HIRA: variants seen among roughly 807,000 people sequenced by gnomAD.
HIRA encodes protein HIRA.
In HIRA, 13 loss-of-function variants were observed where a neutral mutation model predicts 126.6. The ratio of observed to expected loss-of-function variants is 0.10; its 90% CI spans 0.07 to 0.16. The LOEUF is 0.16. HIRA is among the 10% of genes least tolerant of loss of function. HIRA has a pLI of 1.00. For missense variants in HIRA, 834 were observed against 1,314.4 expected (o/e 0.63, Z 5.65); for synonymous variants, 511 against 520.0 (o/e 0.98, Z 0.24).
chr22:19,351,499 G>C lies in HIRA; in HGVS notation c.2849-53C>G. ...AACAACAAAAAACAAAACAGAAATA[G>C]GAACACATTACAAAAAGAAATAAAA... On this transcript the variant is annotated intron_variant, in intron 23 of 24. Transcript: ENST00000263208. The surrounding 1 kb of genome is among the most constrained non-coding windows in gnomAD (Gnocchi z 4.8). The C allele has an allele frequency of 8.0e-7, 1 of 1,253,810 alleles. No homozygotes were observed. The highest frequency in any genetic ancestry group is 1.2e-6 in the Non-Finnish European group (1 of 861,918). 77.7% of individuals were successfully genotyped at this position (1,253,810 alleles called of 1,614,324 possible). A position where few individuals can be genotyped will look rare whatever the true frequency, so the allele number is the denominator to read the frequency against.
chr22:19,425,805 G>A (rs949650733), intron 1 of HIRA, among the ~76,000 whole-genome samples: 1 of 152,112 alleles, frequency 6.6e-6, no homozygotes, highest in Non-Finnish European at 1.5e-5. Context: ...CCAACGTGGC[G>A]AAAATGTGTA....
intron 12 of HIRA, among the ~76,000 whole-genome samples, chr22:19,385,051 G>A (rs571089391): frequency 6.6e-6 from 1 of 152,152 alleles, no homozygotes; most frequent in African/African-American, 2.4e-5. Context: ...TATCTGAATT[G>A]CCTGGAGGAG....
rs142603816 is a variant in HIRA, at chr22:19,426,192, A to G, written c.37+5248T>C. ...CTGTCTCCCTGAGCATCTCACCAAG[A>G]CTAGAAATTCCTAACTCCTCTAGGG... On this transcript the variant is annotated intron_variant, in intron 1 of 24. Transcript: ENST00000263208. Among the ~76,000 whole-genome samples, 16 of 152,108 alleles carry G rather than the reference A, an allele frequency of 1.1e-4. No homozygotes were observed. The East Asian group carries it at 3.1e-3, about 29-fold the overall frequency.
intron 24 of HIRA, 69 bp from the exon 25 acceptor site, chr22:19,331,625 G>A: frequency 1.4e-6 from 2 of 1,417,402 alleles, no homozygotes; most frequent in Middle Eastern, 1.8e-4. Flanking sequence ...GACTTTCCTG[G>A]CCTGGCAGAG....
chr22:19,388,405 G>T, intron 10 of HIRA, 79 bp downstream of exon 10: 1 of 1,140,866 alleles, frequency 8.8e-7, no homozygotes, highest in Non-Finnish European at 1.3e-6. Context: ...CCTGACCCTA[G>T]TCACACCCAG....
chr22:19,428,833 A>T (rs1448872777), intron 1 of HIRA, among the ~76,000 whole-genome samples: 1 of 152,220 alleles, frequency 6.6e-6, no homozygotes, highest in Non-Finnish European at 1.5e-5. Context: ...ACATGAATAT[A>T]GAACAAGGAA....
chr22:19,390,020 T>C (rs2089163727), intron 9 of HIRA, among the ~76,000 whole-genome samples: 1 of 150,632 alleles, frequency 6.6e-6, no homozygotes, highest in Non-Finnish European at 1.5e-5. Context: ...TTAATGTGTG[T>C]GCACTTTGCT....
At chr22:19,383,564 AAAG>A in intron 13 of HIRA, 53 bp downstream of exon 13, 1 of 1,402,282 alleles carries the variant, frequency 7.1e-7, no homozygotes, top group Non-Finnish European at 1.0e-6. Context: ...TTAACCGCTG[AAAG>A]AAGACAGGAA....
At chr22:19,382,771 C>CTTTT (rs796469831) in intron 13 of HIRA, among the ~76,000 whole-genome samples, 2 of 102,124 alleles carry the variant, frequency 2.0e-5, no homozygotes, top group Non-Finnish European at 1.7e-5. Flanking sequence ...ATTTTTCTTT[C>CTTTT]TTTTTTTTTT....
chr22:19,421,260 T>C (rs1038732040), intron 1 of HIRA, among the ~76,000 whole-genome samples: 1 of 149,540 alleles, frequency 6.7e-6, no homozygotes, highest in African/African-American at 2.5e-5. Context: ...GGTTGCACCA[T>C]TGCACTCCAG....
chr22:19,410,247 C>G lies in HIRA; in HGVS notation c.100+469G>C, dbSNP rs536496404. On this transcript the variant is annotated intron_variant, in intron 2 of 24. Transcript: ENST00000263208. ...GTTTCAAATGGTGTGGGCTTTCTTACTTGCCCACAGTGTGCTTTCTCTTTA... is the reference window on the plus strand; with the variant it reads ...GTTTCAAATGGTGTGGGCTTTCTTAGTTGCCCACAGTGTGCTTTCTCTTTA... Among the ~76,000 whole-genome samples, 8 of 152,360 alleles carry G rather than the reference C, an allele frequency of 5.3e-5. No individual in the cohort carries two copies. In the South Asian group the frequency reaches 1.2e-3, roughly 24 times the overall value.
At chr22:19,380,400 A>G (rs190053568) in intron 13 of HIRA, among the ~76,000 whole-genome samples, 1 of 152,282 alleles carries the variant, frequency 6.6e-6, no homozygotes, top group African/African-American at 2.4e-5. Flanking sequence ...CTGATGTGAA[A>G]TGCTACCTTT....
chr22:19,415,220 T>C (rs2089386517), intron 1 of HIRA, among the ~76,000 whole-genome samples: 1 of 152,130 alleles, frequency 6.6e-6, no homozygotes. Context: ...GTGCTAATAA[T>C]GAATTCAGCA....
rs1446769327 is a variant in HIRA, at chr22:19,388,513, C to T, written c.978G>A (p.Leu326=). Residue 326 remains leucine, a synonymous_variant, in exon 10 of 25, where the codon CTG becomes CTA. Transcript: ENST00000263208. ...LKRPLVVIHE[L]FDKSIMDISW... Reference sequence around the variant, plus strand: ...AAATATCCATGATGGATTTGTCAAACAGTTCATGGATGACCACCAGCGGCC... The same window carrying T: ...AAATATCCATGATGGATTTGTCAAATAGTTCATGGATGACCACCAGCGGCC... The T allele has an allele frequency of 2.5e-6, 4 of 1,613,454 alleles. No individual in the cohort carries two copies. The highest frequency in any genetic ancestry group is 2.5e-6 in the Non-Finnish European group (3 of 1,179,482).
At chr22:19,348,677 A>AT (rs2088717472) in intron 24 of HIRA, among the ~76,000 whole-genome samples, 1 of 151,694 alleles carries the variant, frequency 6.6e-6, no homozygotes, top group African/African-American at 2.4e-5. Context: ...TTGTATTTTT[A>AT]GTAGAGATGG....
chr22:19,361,685 A>G, intron 16 of HIRA, 42 bp downstream of exon 16: 1 of 1,589,968 alleles, frequency 6.3e-7, no homozygotes, highest in Admixed American at 1.7e-5. Context: ...CTAAGTACAG[A>G]AAGGTGGGCT....
intron 24 of HIRA, among the ~76,000 whole-genome samples, chr22:19,347,551 C>G (rs2088700180): frequency 6.6e-6 from 1 of 152,146 alleles, no homozygotes; most frequent in African/African-American, 2.4e-5. Flanking sequence ...AATGACTGAG[C>G]CATGCTGTGG....
intron 24 of HIRA, among the ~76,000 whole-genome samples, chr22:19,333,474 A>G (rs1429150598): frequency 1.3e-5 from 2 of 152,232 alleles, no homozygotes; most frequent in Non-Finnish European, 2.9e-5. Flanking sequence ...TAAAGAAAAC[A>G]TCAGGAATAC....
In HIRA at chr22:19,431,468, G is replaced by C. The variant is rs151154041; in HGVS notation, c.9C>G (p.Leu3=). 5 of 1,606,266 alleles carry C rather than the reference G, an allele frequency of 3.1e-6. No individual in the cohort carries two copies. In the Admixed American group the frequency reaches 5.0e-5, roughly 16 times the overall value. Residue 3 remains leucine, a synonymous_variant, in exon 1 of 25, where the codon CTC becomes CTG. Transcript: ENST00000263208. ...TGTGGTTGACCCAGGTCGGCTTCAG[G>C]AGCTTCATTGTTCGGCCGCCGCCGC... MK[L]LKPTWVNHNG...
Sources: gnomAD v4.1 joint callset for allele counts (sites outside exome capture counted in the v4.1 genomes callset) on GRCh38, gnomAD v4.1.1 for gene constraint, Gnocchi (gnomAD v3.1) non-coding constraint, MANE v1.5 for transcripts, NCBI Gene and HGNC (gene_info 2026-07-23, HGNC 2026-07-21) for gene names.